MACROD2: variants seen among roughly 807,000 people sequenced by gnomAD.
MACROD2 encodes the protein ADP-ribose glycohydrolase MACROD2.
A neutral mutation model predicts 70.4 loss-of-function variants in MACROD2; 36 were observed. The ratio of observed to expected loss-of-function variants is 0.51; its 90% CI spans 0.39 to 0.68. The LOEUF (loss-of-function observed/expected upper bound fraction) is 0.68. Among genes scored for constraint, MACROD2 ranks in the 30% least tolerant of loss-of-function variants. The pLI is 0.00. For missense variants in MACROD2, 496 were observed against 538.4 expected (o/e 0.92, Z 0.78); for synonymous variants, 172 against 178.8 (o/e 0.96, Z 0.30).
At chr20:14,561,072 T>A (rs1458658259) in intron 4 of MACROD2, among the ~76,000 whole-genome samples, 1 of 151,802 alleles carries the variant, frequency 6.6e-6, no homozygotes, top group African/African-American at 2.4e-5. Context: ...ATTGTTCAGA[T>A]AGATTGACAC....
At chr20:14,473,103 A>T (rs2084549184) in intron 3 of MACROD2, among the ~76,000 whole-genome samples, 1 of 152,188 alleles carries the variant, frequency 6.6e-6, no homozygotes, top group African/African-American at 2.4e-5. Flanking sequence ...ACATGTATAC[A>T]ATATGTAATG....
intron 5 of MACROD2, among the ~76,000 whole-genome samples, chr20:14,718,504 C>T (rs1298142506): frequency 2.0e-5 from 3 of 151,904 alleles, no homozygotes; most frequent in East Asian, 3.9e-4. Context: ...CACTCATATA[C>T]AGTGTGTTTC....
At chr20:15,189,266 C>G (rs1251724665) in intron 5 of MACROD2, among the ~76,000 whole-genome samples, 1 of 151,094 alleles carries the variant, frequency 6.6e-6, no homozygotes, top group African/African-American at 2.4e-5. Flanking sequence ...TTTCCATGAC[C>G]AACATAGTGC....
intron 5 of MACROD2, among the ~76,000 whole-genome samples, chr20:14,791,237 G>T (rs2072447516): frequency 6.6e-6 from 1 of 152,074 alleles, no homozygotes; most frequent in Admixed American, 6.5e-5. Context: ...CTAGACATTT[G>T]AGCTTAAGTT....
At position 15,694,335 on chromosome 20, in the gene MACROD2, A is replaced by G. The variant is rs1308571893; in HGVS notation, c.646-168410A>G. ...GTGCTAGTTTACATTCTCACCAGCA[A>G]TGTAGAAGTGTTCCCTGTTCACCGC... On this transcript the variant is annotated intron_variant, in intron 8 of 17. Coordinates refer to ENST00000684519, the MANE Select transcript of MACROD2 (RefSeq NM_001351661.2). 2.0e-5 allele frequency among the ~76,000 whole-genome samples: 3 copies of G among 147,558 alleles called. 1 individual carries two copies. The highest frequency in any genetic ancestry group is 3.0e-5 in the Non-Finnish European group (2 of 66,242).
intron 3 of MACROD2, among the ~76,000 whole-genome samples, chr20:14,134,814 A>AAG (rs1181034940): frequency 6.6e-6 from 1 of 151,524 alleles, no homozygotes; most frequent in South Asian, 2.1e-4. Flanking sequence ...AAAAAAAAAA[A>AAG]AAAAAAAACA....
intron 3 of MACROD2, among the ~76,000 whole-genome samples, chr20:14,445,804 C>G (rs527807507): frequency 8.7e-4 from 132 of 152,112 alleles, no homozygotes; most frequent in Non-Finnish European, 1.4e-3. Context: ...ACATAATTCT[C>G]CAAATTTCAG....
intron 4 of MACROD2, among the ~76,000 whole-genome samples, chr20:14,659,957 T>C (rs1568724810): frequency 6.6e-6 from 1 of 152,220 alleles, no homozygotes; most frequent in Non-Finnish European, 1.5e-5. Context: ...CTTTTATTTA[T>C]GACTCTTACA....
At chr20:14,347,125 GT>G (rs2083072178) in intron 3 of MACROD2, among the ~76,000 whole-genome samples, 1 of 152,198 alleles carries the variant, frequency 6.6e-6, no homozygotes, top group Non-Finnish European at 1.5e-5. Context: ...TAGAGGAAAA[GT>G]TTTTGAAGAG....
At position 16,052,696 on chromosome 20, in the gene MACROD2, A is replaced by G. The variant is rs746957447; in HGVS notation, c.*2820A>G. On this transcript the variant is annotated 3_prime_UTR_variant, in exon 18 of 18. Coordinates refer to ENST00000684519, the MANE Select transcript of MACROD2 (RefSeq NM_001351661.2). ...ACTGCAGCTAATTGTAAATCTTTCT[A>G]TGAAACACTGAAAAGCCTCTTTGTG... is the stretch of plus-strand genomic sequence containing the variant. 2 of 152,674 alleles carry G rather than the reference A, an allele frequency of 1.3e-5. No homozygotes were observed. The highest frequency in any genetic ancestry group is 1.3e-4 in the Admixed American group (2 of 15,288). The allele number at this position is 152,674 out of a possible 1,614,324, so 9.5% of individuals were successfully genotyped here.
intron 5 of MACROD2, among the ~76,000 whole-genome samples, chr20:15,218,005 C>G (rs1299004483): frequency 6.6e-6 from 1 of 152,124 alleles, no homozygotes; most frequent in Non-Finnish European, 1.5e-5. Flanking sequence ...GATTCTATGT[C>G]AGGCCCAAAA....
chr20:15,995,671 A>ATTTTTTTTTTTTTTTTTTTTTTTTTT (rs2066620884), intron 15 of MACROD2, among the ~76,000 whole-genome samples: 1 of 41,054 alleles, frequency 2.4e-5, no homozygotes, highest in Non-Finnish European at 5.3e-5. Context: ...TTTTTTTTTA[A>ATTTTTTTTTTTTTTTTTTTTTTTTTT]CTTTTTAAGA....
chr20:14,507,628 A>T (rs893699383), intron 4 of MACROD2, among the ~76,000 whole-genome samples: 1 of 152,208 alleles, frequency 6.6e-6, no homozygotes, highest in Non-Finnish European at 1.5e-5. Context: ...AAAATTTCAG[A>T]GAATTATATT....
At chr20:14,965,930 C>T (rs2074632559) in intron 5 of MACROD2, among the ~76,000 whole-genome samples, 1 of 152,036 alleles carries the variant, frequency 6.6e-6, no homozygotes, top group South Asian at 2.1e-4. Context: ...ATCTACAGAG[C>T]AAATTATGGT....
intron 3 of MACROD2, among the ~76,000 whole-genome samples, chr20:14,235,178 A>C (rs1476842337): frequency 6.6e-6 from 1 of 152,190 alleles, no homozygotes; most frequent in Non-Finnish European, 1.5e-5. Flanking sequence ...TAATATTTTC[A>C]AACGTGAAGG....
chr20:14,438,382 G>A (rs2084083119), intron 3 of MACROD2, among the ~76,000 whole-genome samples: 1 of 152,160 alleles, frequency 6.6e-6, no homozygotes, highest in Admixed American at 6.5e-5. Context: ...ACATGGAAGT[G>A]CCAATGTTTC....
At chr20:15,879,038 G>A (rs1418382553) in intron 9 of MACROD2, among the ~76,000 whole-genome samples, 4 of 152,124 alleles carry the variant, frequency 2.6e-5, no homozygotes, top group South Asian at 4.1e-4. Flanking sequence ...AAGATTAAAT[G>A]GAGCTTTAGC....
chr20:14,870,047 C>G (rs779330509), intron 5 of MACROD2, among the ~76,000 whole-genome samples: 3 of 152,102 alleles, frequency 2.0e-5, no homozygotes, highest in Non-Finnish European at 4.4e-5. Context: ...TATTTTGTCA[C>G]CCAGGTATTA....
chr20:15,701,992 G>T (rs2146898434), intron 8 of MACROD2, among the ~76,000 whole-genome samples: 1 of 152,244 alleles, frequency 6.6e-6, no homozygotes, highest in East Asian at 1.9e-4. Context: ...AAAAGACATG[G>T]TTTTATTCTT....
Sources: allele counts gnomAD v4.1 joint callset (sites outside exome capture counted in the v4.1 genomes callset), GRCh38; gene constraint gnomAD v4.1.1; transcripts MANE v1.5; gene names NCBI Gene and HGNC (gene_info 2026-07-23, HGNC 2026-07-21).